The following FAM117A variants were observed in gnomAD, a reference collection of about 807,000 sequenced individuals.
FAM117A encodes family with sequence similarity 117 member A.
In FAM117A, 21 loss-of-function variants were observed where a neutral mutation model predicts 44.1. That is an observed-to-expected ratio of 0.48 (90% confidence interval 0.34 to 0.69). FAM117A has a LOEUF of 0.69. Ranked by LOEUF, FAM117A falls within the 30% of genes least tolerant of loss-of-function variation. FAM117A has a pLI of 0.01. For missense variants in FAM117A, 498 were observed against 589.9 expected, an observed-to-expected ratio of 0.84 and a Z score of 1.61; for synonymous variants, 220 against 238.3, an observed-to-expected ratio of 0.92 and a Z score of 0.71.
chr17:49,761,115 A>G (rs139075292), intron 1 of FAM117A, among the ~76,000 whole-genome samples: 2 of 152,346 alleles, frequency 1.3e-5, no homozygotes, highest in Non-Finnish European at 2.9e-5. Context: ...TGGTGGGGAG[A>G]TAACTGCAGA....
rs573258457 is a variant in FAM117A at position 49,742,972 on chromosome 17, A to T, written c.197-10252T>A. ...AAGCTCATGAATTCTCTTATGGAAGAGAGGGCTGAGCTTCCAAGGTGATGC... is the reference window on the plus strand; with the variant it reads ...AAGCTCATGAATTCTCTTATGGAAGTGAGGGCTGAGCTTCCAAGGTGATGC... On this transcript the variant is annotated intron_variant, in intron 1 of 7. Transcript: ENST00000240364. 1.4e-4 allele frequency among the ~76,000 whole-genome samples: 21 copies of T among 152,348 alleles called. No homozygotes were observed. The East Asian group carries it at 3.7e-3, about 27-fold the overall frequency.
intron 4 of FAM117A, 159 bp from the exon 5 acceptor site, chr17:49,720,053 G>C (rs760774050): frequency 2.9e-6 from 3 of 1,046,794 alleles, no homozygotes; most frequent in Non-Finnish European, 4.0e-6. Context: ...ACTCAGGGCA[G>C]TTTTCTCCAA....
At chr17:49,759,434 T>C (rs2073713153) in intron 1 of FAM117A, among the ~76,000 whole-genome samples, 1 of 152,220 alleles carries the variant, frequency 6.6e-6, no homozygotes, top group Non-Finnish European at 1.5e-5. Flanking sequence ...AGTGTTGGGC[T>C]AGGAAGTGTC....
chr17:49,748,050 C>T (rs1189055049), intron 1 of FAM117A, among the ~76,000 whole-genome samples: 1 of 152,194 alleles, frequency 6.6e-6, no homozygotes, highest in Non-Finnish European at 1.5e-5. Flanking sequence ...TATGAGGTCG[C>T]CTCTCCTGTG....
intron 2 of FAM117A, among the ~76,000 whole-genome samples, chr17:49,729,723 C>T (rs924221903): frequency 6.6e-6 from 1 of 151,958 alleles, no homozygotes; most frequent in Non-Finnish European, 1.5e-5. Context: ...CCAGGATGGT[C>T]TCGACCTCCT....
rs761288873 is a variant in FAM117A, at chr17:49,764,083, G to A, written c.5C>T (p.Ala2Val). The A allele has an allele frequency of 2.7e-6, 3 of 1,099,786 alleles. No individual in the cohort carries two copies. The highest frequency in any genetic ancestry group is 3.8e-5 in the Admixed American group (1 of 26,010). 68.1% of individuals were successfully genotyped at this position (1,099,786 alleles called of 1,614,324 possible). The part of the protein sequence containing the change: M[A>V]GAAAGGRGGG... ...GCCTCTGCCGCCCGCTGCGGCCCCCGCCATGGCTCTCCCGGCTGCCTGCCT... is the reference window on the plus strand; with the variant it reads ...GCCTCTGCCGCCCGCTGCGGCCCCCACCATGGCTCTCCCGGCTGCCTGCCT... The change falls in exon 1 of 8, where the codon GCG becomes GTG. Residue 2 changes from alanine to valine, a missense_variant. This residue lies in a region of FAM117A where 270 missense variants were observed against 277.4 expected (regional missense o/e 0.97). Transcript: ENST00000240364.
upstream of FAM117A, among the ~76,000 whole-genome samples, chr17:49,767,915 A>C (rs946293969): frequency 1.3e-5 from 2 of 152,086 alleles, no homozygotes; most frequent in Non-Finnish European, 2.9e-5. Context: ...TAATAATAAA[A>C]AAAAAAAGTA....
At chr17:49,746,020 T>C (rs2073653199) in intron 1 of FAM117A, among the ~76,000 whole-genome samples, 1 of 152,240 alleles carries the variant, frequency 6.6e-6, no homozygotes, top group African/African-American at 2.4e-5. Context: ...ATTATGATTA[T>C]GGAGAAGGAT....
rs1236327055 is a variant in FAM117A, at chr17:49,732,372, T to C, written c.366+179A>G. Reference sequence around the variant, plus strand: ...GTGAGCCAAGATCGCACCACTGCACTCCAGCCTGGGTGACAAAAGGAAACT... The same window carrying C: ...GTGAGCCAAGATCGCACCACTGCACCCCAGCCTGGGTGACAAAAGGAAACT... On this transcript the variant is annotated intron_variant, in intron 2 of 7. Coordinates refer to ENST00000240364, the MANE Select transcript of FAM117A (RefSeq NM_030802.4). The C allele has an allele frequency of 5.2e-6, 3 of 576,428 alleles. No homozygotes were observed. In the East Asian group the frequency reaches 9.7e-5, roughly 19 times the overall value. 35.7% of individuals were successfully genotyped at this position (576,428 alleles called of 1,614,324 possible). A position where few individuals can be genotyped will look rare whatever the true frequency, so the allele number is the denominator to read the frequency against.
rs1193040355 is a variant in FAM117A at position 49,722,329 on chromosome 17, C to T, written c.462+170G>A. ...AGGGTCTGGGCTCCTAAGACCTGGC[C>T]ACTTGGAGAGTGGGAGTCAGCTAGG... On this transcript the variant is annotated intron_variant, in intron 3 of 7. Transcript: ENST00000240364. 2.6e-5 allele frequency among the ~76,000 whole-genome samples: 4 copies of T among 152,184 alleles called. No individual in the cohort carries two copies. The East Asian group carries it at 7.7e-4, about 29-fold the overall frequency.
At chr17:49,740,147 A>G (rs2073627027) in intron 1 of FAM117A, among the ~76,000 whole-genome samples, 1 of 152,198 alleles carries the variant, frequency 6.6e-6, no homozygotes, top group South Asian at 2.1e-4. Flanking sequence ...GTTGGGGGAA[A>G]GTCAACATGG....
intron 1 of FAM117A, among the ~76,000 whole-genome samples, chr17:49,745,841 C>A (rs2073652563): frequency 6.6e-6 from 1 of 152,174 alleles, no homozygotes; most frequent in African/African-American, 2.4e-5. Flanking sequence ...ACAGACATAA[C>A]CAAAAGGGGA....
At chr17:49,754,962 CG>C (rs2073692489) in intron 1 of FAM117A, among the ~76,000 whole-genome samples, 1 of 144,204 alleles carries the variant, frequency 6.9e-6, no homozygotes, top group Non-Finnish European at 1.5e-5. Context: ...CGCTTGAACC[CG>C]GGAGGTGGAG....
intron 7 of FAM117A, 136 bp from the exon 8 acceptor site, chr17:49,711,691 G>A (rs373452338): frequency 2.1e-5 from 16 of 752,068 alleles, no homozygotes; most frequent in East Asian, 2.0e-4. Flanking sequence ...GAACTTGACC[G>A]AAAACCAAGC....
At position 49,756,916 on chromosome 17, in the gene FAM117A, CAA is replaced by C. The variant is rs59004870; in HGVS notation, c.196+6974_196+6975del. ...TGAGCTATAGAATGAGACTCTGCCTCAAAAAAAAAAAAAAAAAAGAGAGAGAG... is the reference window on the plus strand; with the variant it reads ...TGAGCTATAGAATGAGACTCTGCCTCAAAAAAAAAAAAAAAAGAGAGAGAG... On this transcript the variant is annotated intron_variant, in intron 1 of 7. Coordinates refer to ENST00000240364, the MANE Select transcript of FAM117A (RefSeq NM_030802.4). 3.0e-3 allele frequency among the ~76,000 whole-genome samples: 331 copies of C among 109,868 alleles called. 2 individuals carry two copies. Among genetic ancestry groups the C allele is most frequent in the African/African-American group, 8.0e-3 (254 of 31,750 alleles). 72.1% of individuals were successfully genotyped at this position (109,868 alleles called of 152,430 possible).
chr17:49,775,036 TG>T (rs2143800328), intron 1 of FAM117A, among the ~76,000 whole-genome samples: 1 of 152,150 alleles, frequency 6.6e-6, no homozygotes, highest in East Asian at 1.9e-4. Context: ...TTGCCTAGGC[TG>T]GAGTGCAGTG....
chr17:49,768,490 T>C (rs1290523432), upstream of FAM117A, among the ~76,000 whole-genome samples: 1 of 152,270 alleles, frequency 6.6e-6, no homozygotes, highest in South Asian at 2.1e-4. Context: ...AGTGCTTACG[T>C]CTTTGCTCCC....
At chr17:49,773,879 G>A (rs1057403056) in intron 1 of FAM117A, among the ~76,000 whole-genome samples, 48 of 151,848 alleles carry the variant, frequency 3.2e-4, no homozygotes, top group Admixed American at 3.0e-3. Context: ...TCAGCCTCCC[G>A]AATAGCTGGG....
intron 1 of FAM117A, among the ~76,000 whole-genome samples, chr17:49,741,751 C>G (rs1001644549): frequency 6.6e-6 from 1 of 152,150 alleles, no homozygotes; most frequent in African/African-American, 2.4e-5. Context: ...GAAGTTCCTC[C>G]TAGCAGCCTC....
Sources: allele counts gnomAD v4.1 joint callset (sites outside exome capture counted in the v4.1 genomes callset), GRCh38; gene constraint gnomAD v4.1.1; regional missense constraint gnomAD v4.1.1; transcripts MANE v1.5; gene names NCBI Gene and HGNC (gene_info 2026-07-23, HGNC 2026-07-21).